Variants in NBAS observed in about 807,000 individuals in gnomAD.
NBAS encodes the protein NAG/BC035112 fusion.
NBAS carries 219 observed loss-of-function variants against 302.5 expected under a neutral mutation model. That is an observed-to-expected ratio of 0.72 (90% confidence interval 0.65 to 0.81). The LOEUF (loss-of-function observed/expected upper bound fraction) is 0.81. NBAS is among the 30% of genes least tolerant of loss of function. NBAS has a pLI of 0.00. For synonymous variants in NBAS, 1,118 were observed against 1,021.6 expected (o/e 1.09, Z -1.80); for missense variants, 2,932 against 2,841.6 (o/e 1.03, Z -0.72).
chr2:15,182,854 G>A (rs1370147533), intron 50 of NBAS, among the ~76,000 whole-genome samples: 1 of 152,128 alleles, frequency 6.6e-6, no homozygotes, highest in Non-Finnish European at 1.5e-5. Flanking sequence ...AGTCCCAGGA[G>A]CAACAGCAGG....
chr2:15,353,840 T>A, intron 33 of NBAS, 130 bp from the exon 34 acceptor site: 1 of 1,099,952 alleles, frequency 9.1e-7, no homozygotes, highest in Non-Finnish European at 1.4e-6. Context: ...AGTGACACAT[T>A]ATTTTATAAG....
chr2:15,237,074 G>A (rs1572501244), intron 45 of NBAS, among the ~76,000 whole-genome samples: 1 of 152,216 alleles, frequency 6.6e-6, no homozygotes, highest in East Asian at 1.9e-4. Context: ...AATAAAAGAG[G>A]AGGTTAACGG....
the NBAS span, among the ~76,000 whole-genome samples, chr2:14,946,374 C>T: frequency 6.6e-6 from 1 of 152,188 alleles, no homozygotes; most frequent in Non-Finnish European, 1.5e-5. Context: ...CCAATTTAGA[C>T]TTCTCAAAGG....
the NBAS span, among the ~76,000 whole-genome samples, chr2:14,891,601 TC>T: frequency 6.6e-6 from 1 of 152,154 alleles, no homozygotes. Flanking sequence ...ATACTGTCAT[TC>T]CCATTTAAAA....
chr2:14,801,723 T>C, the NBAS span, among the ~76,000 whole-genome samples: 80 of 152,320 alleles, frequency 5.3e-4, no homozygotes, highest in Non-Finnish European at 1.0e-3. Flanking sequence ...GTGAGTGGTA[T>C]TATGTTATCA....
chr2:15,397,464 C>A, intron 26 of NBAS: 1 of 496,564 alleles, frequency 2.0e-6, no homozygotes. Context: ...GGTTGTGGGG[C>A]AGCACCCGCA....
chr2:15,077,668 T>TTTTC, the NBAS span, among the ~76,000 whole-genome samples: 3 of 150,714 alleles, frequency 2.0e-5, no homozygotes, highest in Non-Finnish European at 4.4e-5. Flanking sequence ...GGCTTCTTTC[T>TTTTC]TTTCTTTCTT....
At chr2:15,245,751 T>C (rs1369878259) in intron 44 of NBAS, among the ~76,000 whole-genome samples, 3 of 152,176 alleles carry the variant, frequency 2.0e-5, no homozygotes, top group Admixed American at 1.3e-4. Context: ...GACACATCTC[T>C]AACTACTAGA....
chr2:15,008,827 T>TA, the NBAS span, among the ~76,000 whole-genome samples: 18 of 152,246 alleles, frequency 1.2e-4, no homozygotes, highest in African/African-American at 4.3e-4. Context: ...ATTTAAATTT[T>TA]AAAAACACTT....
chr2:14,975,264 G>C, the NBAS span, among the ~76,000 whole-genome samples: 267 of 152,278 alleles, frequency 1.8e-3, no homozygotes, highest in African/African-American at 6.2e-3. Context: ...GATAATAAAG[G>C]GTATTGTTTT....
chr2:15,160,124 G>A, the NBAS span, among the ~76,000 whole-genome samples: 19 of 152,188 alleles, frequency 1.2e-4, no homozygotes, highest in African/African-American at 4.6e-4. Flanking sequence ...AGGGCTTTAA[G>A]TTGGGGATGA....
intron 40 of NBAS, among the ~76,000 whole-genome samples, chr2:15,298,131 G>A (rs1253807620): frequency 6.6e-6 from 1 of 152,126 alleles, no homozygotes; most frequent in African/African-American, 2.4e-5. Flanking sequence ...GACTGCTTGA[G>A]CCCAGGGGTT....
the NBAS span, among the ~76,000 whole-genome samples, chr2:15,134,527 G>A: frequency 3.9e-5 from 6 of 152,196 alleles, no homozygotes; most frequent in Middle Eastern, 6.8e-3. Context: ...GAACCTCCTC[G>A]AAGGCAAGAT....
chr2:15,147,498 C>T, the NBAS span, among the ~76,000 whole-genome samples: 1 of 152,060 alleles, frequency 6.6e-6, no homozygotes, highest in East Asian at 1.9e-4. Flanking sequence ...GAGGCTGAGG[C>T]AGGAGAATCG....
the NBAS span, among the ~76,000 whole-genome samples, chr2:14,841,006 T>C: frequency 1.3e-5 from 2 of 151,960 alleles, no homozygotes; most frequent in African/African-American, 4.8e-5. Flanking sequence ...TAAAAATATG[T>C]AAATCAAGAC....
chr2:14,984,128 G>T, the NBAS span, among the ~76,000 whole-genome samples: 1 of 152,048 alleles, frequency 6.6e-6, no homozygotes, highest in Non-Finnish European at 1.5e-5. Context: ...GTAAGAAAAT[G>T]GCTGACACCA....
chr2:15,238,333 A>AT, intron 45 of NBAS, 135 bp downstream of exon 45: 1 of 849,720 alleles, frequency 1.2e-6, no homozygotes, highest in Non-Finnish European at 1.8e-6. Flanking sequence ...AGGTTAACCA[A>AT]TAAAGGCTTG....
At position 15,554,082 on chromosome 2, in the gene NBAS, T is replaced by C; in HGVS notation, c.266A>G (p.Asn89Ser). 6.2e-7 allele frequency: 1 copy of C among 1,613,856 alleles called. No individual in the cohort carries two copies. Reference sequence around the variant, plus strand: ...TTACCTTGCAAGTACCAAATGCCAGTTTATCTGTTTATTAACCAAGCGAAC... The same window carrying C: ...TTACCTTGCAAGTACCAAATGCCAGCTTATCTGTTTATTAACCAAGCGAAC... ...GLVRLVNKQI[N>S]WHLVLASNGK... The change falls in exon 4 of 52, where the codon AAC becomes AGC. Residue 89 changes from asparagine (N) to serine (S), a missense_variant. Coordinates refer to ENST00000281513, the MANE Select transcript of NBAS (RefSeq NM_015909.4).
the NBAS span, among the ~76,000 whole-genome samples, chr2:14,886,981 G>A: frequency 6.8e-3 from 1,030 of 152,268 alleles, 15 homozygotes; most frequent in African/African-American, 0.024. Flanking sequence ...AATCCAGGCC[G>A]ATAAACATGA....
Sources: gnomAD v4.1 joint callset for allele counts (sites outside exome capture counted in the v4.1 genomes callset) on GRCh38, gnomAD v4.1.1 for gene constraint, MANE v1.5 for transcripts, NCBI Gene and HGNC (gene_info 2026-07-23, HGNC 2026-07-21) for gene names.